Variants in TAPT1 observed in about 807,000 individuals in gnomAD.
TAPT1 encodes transmembrane anterior posterior transformation protein 1 homolog.
TAPT1 carries 28 observed loss-of-function variants against 65.6 expected under a neutral mutation model. The observed-to-expected ratio is 0.43, with a 90% CI of 0.32 to 0.59. The LOEUF (loss-of-function observed/expected upper bound fraction) is 0.59. Ranked by LOEUF, TAPT1 falls within the 20% of genes least tolerant of loss-of-function variation. The probability of loss-of-function intolerance (pLI) is 0.09; values close to 1 mark genes in which losing one functional copy is unlikely to be tolerated. For synonymous variants in TAPT1, 278 were observed against 245.2 expected (o/e 1.13, Z -1.25); for missense variants, 563 against 679.9 (o/e 0.83, Z 1.91).
intron 8 of TAPT1, 83 bp from the exon 9 acceptor site, chr4:16,176,311 C>T (rs1455408994): frequency 1.5e-6 from 1 of 671,424 alleles, no homozygotes; most frequent in Non-Finnish European, 2.4e-6. Context: ...AATATGAAAT[C>T]TCTAGAACAA....
chr4:16,199,948 C>T (rs1414981189), intron 3 of TAPT1, among the ~76,000 whole-genome samples: 4 of 152,112 alleles, frequency 2.6e-5, no homozygotes, highest in Non-Finnish European at 4.4e-5. Flanking sequence ...ACAGGGGCTA[C>T]ACAGAAATGA....
upstream of TAPT1, chr4:16,226,838 G>C (rs1751606435): frequency 5.9e-6 from 1 of 169,946 alleles, no homozygotes; most frequent in South Asian, 1.4e-4. Context: ...GCGGCGGCGG[G>C]CGGCGGGTCG....
intron 3 of TAPT1, among the ~76,000 whole-genome samples, chr4:16,194,444 G>A (rs1195480934): frequency 6.6e-6 from 1 of 152,180 alleles, no homozygotes; most frequent in East Asian, 1.9e-4. Flanking sequence ...CCTGGCTCCA[G>A]AAGGCATGCT....
chr4:16,179,623 T>C lies in TAPT1; in HGVS notation c.951A>G (p.Leu317=). The change falls in exon 8 of 14, where the codon TTA becomes TTG. Residue 317 remains leucine (L), a synonymous_variant. Transcript: ENST00000405303. The part of the protein sequence containing the change: ...IKERFTNYVL[L]LIVCLRNMEQ... ...CCATGTTTCTTAGACACACTATCAG[T>C]AAAAGCACATAATTTGTGAATCGTT... The C allele has an allele frequency of 6.5e-7, 1 of 1,540,474 alleles. No individual in the cohort carries two copies. Among genetic ancestry groups the C allele is most frequent in the Non-Finnish European group, 8.7e-7 (1 of 1,143,498 alleles).
intron 13 of TAPT1, among the ~76,000 whole-genome samples, chr4:16,164,544 T>C (rs1006769809): frequency 3.9e-5 from 6 of 152,158 alleles, no homozygotes; most frequent in African/African-American, 4.8e-5. Flanking sequence ...AAAGCTTTTA[T>C]CCCCATTAGA....
intron 1 of TAPT1, among the ~76,000 whole-genome samples, chr4:16,215,522 A>G (rs1425076191): frequency 1.3e-5 from 2 of 152,146 alleles, no homozygotes; most frequent in Non-Finnish European, 2.9e-5. Context: ...TTTAAATACC[A>G]GATTCATAAT....
At chr4:16,210,017 G>A (rs1750565298) in intron 2 of TAPT1, among the ~76,000 whole-genome samples, 1 of 152,164 alleles carries the variant, frequency 6.6e-6, no homozygotes, top group African/African-American at 2.4e-5. Context: ...CCCTGTTTCT[G>A]TTATAACTGT....
At chr4:16,167,991 TAAAATTTCTGGGTC>T (rs1481378293) in intron 12 of TAPT1, among the ~76,000 whole-genome samples, 1 of 152,146 alleles carries the variant, frequency 6.6e-6, no homozygotes, top group African/African-American at 2.4e-5. Context: ...ACTACAGAAA[TAAAATTTCTGGGTC>T]AAAGAATATG....
Position 16,218,034 on chromosome 4 carries a change from C to A in TAPT1, c.200-4136G>T, listed in dbSNP as rs79710712. The stretch of plus-strand genomic sequence containing the variant: ...AGAAATTACGCAGCCCACAAGAATG[C>A]CATCTGGGTTAAAGAGATACAGAAA... On this transcript the variant is annotated intron_variant, in intron 1 of 13. Transcript: ENST00000405303. 6.7e-3 allele frequency among the ~76,000 whole-genome samples: 1,022 copies of A among 152,288 alleles called. 7 individuals are homozygous for A. The highest frequency in any genetic ancestry group is 9.7e-3 in the Non-Finnish European group (658 of 68,034).
chr4:16,179,278 C>T (rs1748557871), intron 8 of TAPT1: 3 of 253,886 alleles, frequency 1.2e-5, no homozygotes, highest in South Asian at 7.4e-5. Flanking sequence ...ATACTGCAGG[C>T]AAACTGTGAC....
chr4:16,193,721 T>C (rs894238773), intron 3 of TAPT1, among the ~76,000 whole-genome samples: 20 of 152,174 alleles, frequency 1.3e-4, no homozygotes, highest in Admixed American at 1.3e-3. Flanking sequence ...CTGTCTCCAC[T>C]TGGGCAGCAG....
intron 4 of TAPT1, among the ~76,000 whole-genome samples, chr4:16,188,951 C>G (rs1432230771): frequency 6.6e-6 from 1 of 151,956 alleles, no homozygotes; most frequent in Non-Finnish European, 1.5e-5. Flanking sequence ...GTGGGCACAT[C>G]AAAATCATGG....
chr4:16,177,020 T>C (rs1748376435), intron 8 of TAPT1, among the ~76,000 whole-genome samples: 3 of 152,252 alleles, frequency 2.0e-5, no homozygotes, highest in African/African-American at 7.2e-5. Context: ...CTGATATATT[T>C]GCTCACCATT....
rs116990923 is a variant in TAPT1 at position 16,191,101 on chromosome 4, G to A, written c.612+260C>T. On this transcript the variant is annotated intron_variant, in intron 4 of 13. Coordinates refer to ENST00000405303, the MANE Select transcript of TAPT1 (RefSeq NM_153365.3). ...TACATGAGGACATGCCATGCCTGCA[G>A]GCTTGCCACCAGAGGTGTGTCCCAG... is the stretch of plus-strand genomic sequence containing the variant. 2.3e-4 allele frequency: 78 copies of A among 338,542 alleles called. 1 individual carries two copies. The East Asian group carries it at 3.4e-3, about 15-fold the overall frequency. The allele number at this position is 338,542 out of a possible 1,614,324, so 21.0% of individuals were successfully genotyped here.
chr4:16,179,459 C>A (rs1042723302), intron 8 of TAPT1, 118 bp downstream of exon 8: 3 of 587,086 alleles, frequency 5.1e-6, no homozygotes, highest in Non-Finnish European at 8.7e-6. Context: ...AATACCCAAA[C>A]AGTAAAACAG....
chr4:16,182,932 T>C (rs1421472622), intron 7 of TAPT1: 2 of 152,196 alleles, frequency 1.3e-5, no homozygotes, highest in African/African-American at 4.8e-5. Flanking sequence ...GTCTTCTATA[T>C]TAAACCAGCA....
intron 11 of TAPT1, among the ~76,000 whole-genome samples, chr4:16,172,549 A>C (rs904795152): frequency 6.6e-6 from 1 of 152,208 alleles, no homozygotes; most frequent in Non-Finnish European, 1.5e-5. Flanking sequence ...GAAGCAAAAG[A>C]AAGCTATATT....
rs753423471 is a variant in TAPT1 at position 16,179,664 on chromosome 4, G to GA, written c.917-8dup. On this transcript the variant is annotated splice_region_variant and splice_polypyrimidine_tract_variant and intron_variant, in intron 7 of 13. Coordinates refer to ENST00000405303, the MANE Select transcript of TAPT1 (RefSeq NM_153365.3). ...GTGAATCGTTCCTTAATATCTAAAA[G>GA]AAAAAAAATCAACATAAGTACTGTA... The GA allele has an allele frequency of 3.3e-5, 49 of 1,468,278 alleles. No individual in the cohort carries two copies. Among genetic ancestry groups the GA allele is most frequent in the African/African-American group, 1.2e-4 (8 of 69,234 alleles). The allele number at this position is 1,468,278 out of a possible 1,614,324, so 91.0% of individuals were successfully genotyped here.
chr4:16,193,672 G>T (rs1749519813), intron 3 of TAPT1, among the ~76,000 whole-genome samples: 1 of 152,166 alleles, frequency 6.6e-6, no homozygotes, highest in African/African-American at 2.4e-5. Context: ...GAGAAGAGGA[G>T]ACGTTTTGAA....
Sources: allele counts gnomAD v4.1 joint callset (sites outside exome capture counted in the v4.1 genomes callset), GRCh38; gene constraint gnomAD v4.1.1; transcripts MANE v1.5; gene names NCBI Gene and HGNC (gene_info 2026-07-23, HGNC 2026-07-21).